The following UNC13C variants were observed in gnomAD, a reference collection of about 807,000 sequenced individuals.
The protein encoded by UNC13C is protein unc-13 homolog C.
In UNC13C, 174 loss-of-function variants were observed where a neutral mutation model predicts 245.4. The observed-to-expected ratio is 0.71, with a 90% CI of 0.63 to 0.80. UNC13C has a LOEUF of 0.80. UNC13C is among the 30% of genes least tolerant of loss of function. The probability of loss-of-function intolerance (pLI) is 0.00; values close to 1 mark genes in which losing one functional copy is unlikely to be tolerated. For missense variants in UNC13C, 2,829 were observed against 2,602.9 expected (o/e 1.09, Z -1.89); for synonymous variants, 992 against 895.1 (o/e 1.11, Z -1.93).
chr15:54,405,584 G>T (rs376209100), intron 18 of UNC13C, among the ~76,000 whole-genome samples: 1 of 152,100 alleles, frequency 6.6e-6, no homozygotes, highest in African/African-American at 2.4e-5. Flanking sequence ...ACAAAGGCAA[G>T]TTAGACATGG....
intron 1 of UNC13C, among the ~76,000 whole-genome samples, chr15:53,986,217 G>A (rs1894134710): frequency 6.6e-6 from 1 of 152,066 alleles, no homozygotes; most frequent in Non-Finnish European, 1.5e-5. Context: ...AAAGGTCTGA[G>A]CAAAATATGT....
At chr15:54,482,487 G>C (rs1422082609) in intron 19 of UNC13C, among the ~76,000 whole-genome samples, 1 of 152,102 alleles carries the variant, frequency 6.6e-6, no homozygotes, top group African/African-American at 2.4e-5. Flanking sequence ...TAAACCACTG[G>C]GGATCTTTTG....
intron 2 of UNC13C, among the ~76,000 whole-genome samples, chr15:54,026,769 C>T (rs182325125): frequency 2.8e-3 from 430 of 152,204 alleles, no homozygotes; most frequent in African/African-American, 9.9e-3. Flanking sequence ...CAAACCTAGA[C>T]TGTTATATAT....
chr15:53,852,230 C>T, the UNC13C span, among the ~76,000 whole-genome samples: 2 of 152,086 alleles, frequency 1.3e-5, no homozygotes, highest in Non-Finnish European at 1.5e-5. Context: ...TGGGGTAAAC[C>T]CCCACACATT....
chr15:53,965,037 C>T, the UNC13C span, among the ~76,000 whole-genome samples: 1 of 152,098 alleles, frequency 6.6e-6, no homozygotes, highest in Non-Finnish European at 1.5e-5. Flanking sequence ...ACTAATAAGT[C>T]CAAAACAAGT....
chr15:54,043,857 G>A (rs776765274), intron 2 of UNC13C, among the ~76,000 whole-genome samples: 18 of 152,088 alleles, frequency 1.2e-4, no homozygotes, highest in Non-Finnish European at 1.6e-4. Context: ...TTCCCTTTGG[G>A]CCTTGTATCA....
At chr15:54,226,489 G>GA (rs2035388099) in intron 4 of UNC13C, among the ~76,000 whole-genome samples, 1 of 152,156 alleles carries the variant, frequency 6.6e-6, no homozygotes, top group African/African-American at 2.4e-5. Flanking sequence ...TTGCTAGCTG[G>GA]AAACCTCTGT....
rs1170588957 is a variant in UNC13C at position 54,608,562 on chromosome 15, C to T, written c.6107-13765C>T. On this transcript the variant is annotated intron_variant, in intron 30 of 32. Transcript: ENST00000260323. Reference sequence around the variant, plus strand: ...CTTTCTCGTTTATATTTCTCATCACCTAGCAAAGTGGCAGGTTTAATGTGT... The same window carrying T: ...CTTTCTCGTTTATATTTCTCATCACTTAGCAAAGTGGCAGGTTTAATGTGT... Among the ~76,000 whole-genome samples the T allele has an allele frequency of 3.3e-5, 5 of 152,164 alleles. 1 individual carries two copies. The highest frequency in any genetic ancestry group is 6.3e-3 in the Middle Eastern group (2 of 316).
intron 19 of UNC13C, among the ~76,000 whole-genome samples, chr15:54,485,002 ATT>A (rs35981487): frequency 2.0e-5 from 3 of 151,100 alleles, no homozygotes; most frequent in South Asian, 2.1e-4. Context: ...TTATGGATGA[ATT>A]TTTTTTTTGT....
the UNC13C span, among the ~76,000 whole-genome samples, chr15:53,960,108 A>G: frequency 2.0e-5 from 3 of 152,060 alleles, no homozygotes; most frequent in Non-Finnish European, 2.9e-5. Context: ...GTAGTTGTCT[A>G]TTTTCCTCCA....
At chr15:54,321,066 A>C (rs2038144006) in intron 13 of UNC13C, 1 of 481,130 alleles carries the variant, frequency 2.1e-6, no homozygotes, top group Admixed American at 2.2e-5. Context: ...AACCGCCTCC[A>C]TGGCCACCAC....
chr15:54,397,549 A>G (rs921711691), intron 18 of UNC13C, among the ~76,000 whole-genome samples: 5 of 151,420 alleles, frequency 3.3e-5, no homozygotes, highest in African/African-American at 7.3e-5. Flanking sequence ...CAGTTTGTCA[A>G]TTTCTACAAG....
the UNC13C span, among the ~76,000 whole-genome samples, chr15:53,874,052 C>G: frequency 6.6e-6 from 1 of 151,818 alleles, no homozygotes; most frequent in Non-Finnish European, 1.5e-5. Context: ...TCATGGCTCA[C>G]TACAGCCTTG....
chr15:54,469,659 G>A (rs1892356631), intron 19 of UNC13C, among the ~76,000 whole-genome samples: 1 of 151,540 alleles, frequency 6.6e-6, no homozygotes, highest in Non-Finnish European at 1.5e-5. Flanking sequence ...TGGGTTCAGG[G>A]TAGTACTTGG....
chr15:54,187,990 A>T (rs2034052848), intron 4 of UNC13C, among the ~76,000 whole-genome samples: 1 of 151,846 alleles, frequency 6.6e-6, no homozygotes, highest in African/African-American at 2.4e-5. Context: ...GATAATTTTT[A>T]TATTTTTTGT....
At chr15:54,471,941 T>G (rs1003591405) in intron 19 of UNC13C, among the ~76,000 whole-genome samples, 1 of 151,758 alleles carries the variant, frequency 6.6e-6, no homozygotes, top group Non-Finnish European at 1.5e-5. Flanking sequence ...ATTACAGAAT[T>G]TAATCCACTT....
At chr15:54,283,798 G>A (rs1045108675) in intron 10 of UNC13C, among the ~76,000 whole-genome samples, 21 of 151,856 alleles carry the variant, frequency 1.4e-4, no homozygotes, top group Admixed American at 1.1e-3. Context: ...TCGATTGGGC[G>A]CAGAGGCTCA....
intron 4 of UNC13C, among the ~76,000 whole-genome samples, chr15:54,233,131 A>G (rs979320328): frequency 1.3e-5 from 2 of 152,148 alleles, no homozygotes; most frequent in Non-Finnish European, 2.9e-5. Context: ...TGTGATGTAC[A>G]TTCTCAAACT....
chr15:53,894,109 C>T, the UNC13C span, among the ~76,000 whole-genome samples: 4 of 152,174 alleles, frequency 2.6e-5, no homozygotes, highest in African/African-American at 9.7e-5. Context: ...TCCCCGACAC[C>T]TGTGCTTCCC....
Sources: gnomAD v4.1 joint callset for allele counts (sites outside exome capture counted in the v4.1 genomes callset) on GRCh38, gnomAD v4.1.1 for gene constraint, MANE v1.5 for transcripts, NCBI Gene and HGNC (gene_info 2026-07-23, HGNC 2026-07-21) for gene names.